The following PTPRR variants were observed in gnomAD, a reference collection of about 807,000 sequenced individuals.
PTPRR encodes the protein receptor-type tyrosine-protein phosphatase R.
In PTPRR, 38 loss-of-function variants were observed where a neutral mutation model predicts 77.2. The observed-to-expected ratio is 0.49, with a 90% confidence interval of 0.38 to 0.65. The LOEUF (loss-of-function observed/expected upper bound fraction) is 0.65, where lower values mean the gene tolerates loss of function less well. Ranked by LOEUF, PTPRR falls within the 30% of genes least tolerant of loss-of-function variation. The probability of loss-of-function intolerance (pLI) is 0.00; values close to 1 mark genes in which losing one functional copy is unlikely to be tolerated. For synonymous variants in PTPRR, 299 were observed against 283.1 expected, an observed-to-expected ratio of 1.06 and a Z score of -0.57; for missense variants, 744 against 799.2, an observed-to-expected ratio of 0.93 and a Z score of 0.83.
At chr12:70,777,724 G>C (rs1285867632) in intron 2 of PTPRR, among the ~76,000 whole-genome samples, 1 of 152,076 alleles carries the variant, frequency 6.6e-6, no homozygotes, top group Non-Finnish European at 1.5e-5. Context: ...GATGGGTCCA[G>C]GGTCACCCTA....
rs1458959344 is a variant in PTPRR at position 70,701,327 on chromosome 12, C to A, written c.1008-4G>T. 1 of 1,611,786 alleles carries A rather than the reference C, an allele frequency of 6.2e-7. No individual in the cohort carries two copies. Among genetic ancestry groups the A allele is most frequent in the East Asian group, 2.2e-5 (1 of 44,820 alleles). Reference sequence around the variant, plus strand: ...AAGAGATACGTTGGACCCTCTTCTACATTGGAGAAGAATGTTATGTTTAAA... The same window carrying A: ...AAGAGATACGTTGGACCCTCTTCTAAATTGGAGAAGAATGTTATGTTTAAA... On this transcript the variant is annotated splice_region_variant and splice_polypyrimidine_tract_variant and intron_variant, in intron 6 of 13. Coordinates refer to ENST00000283228, the MANE Select transcript of PTPRR (RefSeq NM_002849.4).
intron 6 of PTPRR, among the ~76,000 whole-genome samples, chr12:70,736,681 T>A (rs1889873226): frequency 6.6e-6 from 1 of 152,218 alleles, no homozygotes. Flanking sequence ...GTTATTTTTA[T>A]TGATGTTATT....
intron 13 of PTPRR, among the ~76,000 whole-genome samples, chr12:70,652,599 T>C (rs1488828050): frequency 6.6e-6 from 1 of 151,704 alleles, no homozygotes; most frequent in African/African-American, 2.4e-5. Context: ...CTCAAGGGGG[T>C]TGGGTGCCTA....
At chr12:70,887,945 G>A (rs1893268751) in intron 2 of PTPRR, among the ~76,000 whole-genome samples, 1 of 152,136 alleles carries the variant, frequency 6.6e-6, no homozygotes, top group African/African-American at 2.4e-5. Flanking sequence ...CCCAGGTGAT[G>A]TAGGATATAG....
At chr12:70,667,142 G>A (rs1188802384) in intron 10 of PTPRR, among the ~76,000 whole-genome samples, 1 of 151,620 alleles carries the variant, frequency 6.6e-6, no homozygotes, top group Non-Finnish European at 1.5e-5. Context: ...TTTTTTAGTA[G>A]AGACGGAGTT....
At chr12:70,831,800 A>G (rs1184540602) in intron 2 of PTPRR, among the ~76,000 whole-genome samples, 3 of 152,104 alleles carry the variant, frequency 2.0e-5, no homozygotes, top group African/African-American at 7.2e-5. Context: ...ACTCATCCTC[A>G]TTACTCCTCC....
chr12:70,917,841 C>A (rs1302361147), intron 1 of PTPRR, among the ~76,000 whole-genome samples: 1 of 152,172 alleles, frequency 6.6e-6, no homozygotes, highest in Non-Finnish European at 1.5e-5. Flanking sequence ...TTAGCACATT[C>A]CTCCCATCTC....
In PTPRR at chr12:70,638,872, A is replaced by G. The variant is rs962174137; in HGVS notation, c.*312T>C. ...GATGACATTTATTACTGAATATTAC[A>G]TACATACATTCTGTGTGGCAGATAG... On this transcript the variant is annotated 3_prime_UTR_variant, in exon 14 of 14. Transcript: ENST00000283228. The G allele has an allele frequency of 7.2e-6, 2 of 277,582 alleles. No homozygotes were observed. Among genetic ancestry groups the G allele is most frequent in the African/African-American group, 4.4e-5 (2 of 45,428 alleles). The allele number at this position is 277,582 out of a possible 1,614,324, so 17.2% of individuals were successfully genotyped here. A position where few individuals can be genotyped will look rare whatever the true frequency, so the allele number is the denominator to read the frequency against.
At chr12:70,812,693 G>C (rs1447491616) in intron 2 of PTPRR, among the ~76,000 whole-genome samples, 1 of 152,162 alleles carries the variant, frequency 6.6e-6, no homozygotes, top group Non-Finnish European at 1.5e-5. Flanking sequence ...GAAGCAGTTC[G>C]ATGTGTTTAT....
chr12:70,740,613 C>G (rs1293813881), intron 6 of PTPRR, among the ~76,000 whole-genome samples: 1 of 151,916 alleles, frequency 6.6e-6, no homozygotes, highest in African/African-American at 2.4e-5. Context: ...GTTAAGCAAT[C>G]CATTTAGTCT....
chr12:70,812,277 G>A (rs929546628), intron 2 of PTPRR, among the ~76,000 whole-genome samples: 1 of 152,178 alleles, frequency 6.6e-6, no homozygotes, highest in Admixed American at 6.5e-5. Context: ...GGTGAAAGAA[G>A]CACCTCAGTA....
intron 13 of PTPRR, among the ~76,000 whole-genome samples, chr12:70,643,773 T>G (rs2136640711): frequency 6.6e-6 from 1 of 151,812 alleles, no homozygotes; most frequent in South Asian, 2.1e-4. Flanking sequence ...TTTTCTTACT[T>G]TTTTTTTCTT....
intron 6 of PTPRR, among the ~76,000 whole-genome samples, chr12:70,729,836 A>G (rs1889589349): frequency 6.7e-6 from 1 of 148,212 alleles, no homozygotes. Context: ...ATGATTTAAG[A>G]AAAAAAAAAC....
chr12:70,653,196 A>G (rs974859107), intron 13 of PTPRR, among the ~76,000 whole-genome samples: 7 of 152,126 alleles, frequency 4.6e-5, no homozygotes, highest in African/African-American at 9.7e-5. Flanking sequence ...ATGAAAGTCA[A>G]TGTGGGAGCA....
chr12:70,905,913 C>G (rs1893614743), intron 1 of PTPRR, among the ~76,000 whole-genome samples: 1 of 151,952 alleles, frequency 6.6e-6, no homozygotes, highest in African/African-American at 2.4e-5. Context: ...AATGTTAACA[C>G]CTTCTTCTCT....
intron 6 of PTPRR, among the ~76,000 whole-genome samples, chr12:70,730,572 C>T (rs111878850): frequency 6.6e-4 from 100 of 151,702 alleles, no homozygotes; most frequent in African/African-American, 2.2e-3. Flanking sequence ...GTGGCTCATG[C>T]GTGTAATTCT....
chr12:70,763,154 G>GT (rs1445479767), intron 3 of PTPRR, among the ~76,000 whole-genome samples: 4 of 151,260 alleles, frequency 2.6e-5, no homozygotes, highest in African/African-American at 9.7e-5. Flanking sequence ...TTGAGATGGA[G>GT]TTTCGCTCTT....
intron 10 of PTPRR, among the ~76,000 whole-genome samples, chr12:70,677,004 C>T (rs1046997721): frequency 3.3e-5 from 5 of 151,862 alleles, no homozygotes; most frequent in East Asian, 1.9e-4. Flanking sequence ...GATTGTTTAG[C>T]GTAGTATGGA....
chr12:70,672,083 AATGCCTTTGACTCT>A, intron 10 of PTPRR: 1 of 1,361,208 alleles, frequency 7.3e-7, no homozygotes, highest in Non-Finnish European at 1.0e-6. Flanking sequence ...TATCAACCTC[AATGCCTTTGACTCT>A]ATGCTCCCCA....
Sources: allele counts gnomAD v4.1 joint callset (sites outside exome capture counted in the v4.1 genomes callset), GRCh38; gene constraint gnomAD v4.1.1; transcripts MANE v1.5; gene names NCBI Gene and HGNC (gene_info 2026-07-23, HGNC 2026-07-21).